Variants in NLN observed in about 807,000 individuals in gnomAD.
The protein encoded by NLN is neurolysin, mitochondrial.
A neutral mutation model predicts 79.9 loss-of-function variants in NLN; 64 were observed. The ratio of observed to expected loss-of-function variants is 0.80; its 90% CI spans 0.65 to 0.99. The LOEUF (loss-of-function observed/expected upper bound fraction) is 0.99. Among genes scored for constraint, NLN ranks in the 50% least tolerant of loss-of-function variants. NLN has a pLI of 0.00. For missense variants in NLN, 835 were observed against 858.7 expected (o/e 0.97, Z 0.34); for synonymous variants, 267 against 296.6 (o/e 0.90, Z 1.02).
chr5:65,752,359 G>T (rs900891290), intron 1 of NLN, among the ~76,000 whole-genome samples: 4 of 152,162 alleles, frequency 2.6e-5, no homozygotes, highest in African/African-American at 9.7e-5. Context: ...GTAGGAAAAA[G>T]AAATCTAGTG....
intron 1 of NLN, among the ~76,000 whole-genome samples, chr5:65,730,601 G>A (rs1758583678): frequency 6.6e-6 from 1 of 151,070 alleles, no homozygotes; most frequent in Non-Finnish European, 1.5e-5. Context: ...CTATTGCTCG[G>A]GCTAGAGTGC....
chr5:65,780,322 G>A (rs1241479847), intron 5 of NLN, 41 bp downstream of exon 5: 1 of 752,430 alleles, frequency 1.3e-6, no homozygotes, highest in Non-Finnish European at 2.2e-6. Flanking sequence ...ATATAATTTA[G>A]GCAAATAGTG....
At chr5:65,807,690 T>A (rs1286095327) in intron 9 of NLN, among the ~76,000 whole-genome samples, 1 of 152,192 alleles carries the variant, frequency 6.6e-6, no homozygotes, top group Non-Finnish European at 1.5e-5. Flanking sequence ...TCCACCCACC[T>A]CCGCCTCCCA....
intron 1 of NLN, among the ~76,000 whole-genome samples, chr5:65,729,054 A>G (rs1242078533): frequency 3.9e-5 from 6 of 152,130 alleles, no homozygotes; most frequent in Admixed American, 3.9e-4. Flanking sequence ...ATGTTGCCCA[A>G]GCTGGTCTCT....
In NLN at chr5:65,763,128, C is replaced by T; in HGVS notation, c.450+20C>T. ...TTACAGGTAAGTGGTGTTATAAATC[C>T]CTTTAAAGAGGGAAAAACTCTACAA... On this transcript the variant is annotated intron_variant, in intron 3 of 12. Coordinates refer to ENST00000380985, the MANE Select transcript of NLN (RefSeq NM_020726.5). 6.3e-7 allele frequency: 1 copy of T among 1,599,490 alleles called. No homozygotes were observed. Among genetic ancestry groups the T allele is most frequent in the Non-Finnish European group, 8.5e-7 (1 of 1,170,254 alleles).
At chr5:65,737,278 A>G (rs548875729) in intron 1 of NLN, among the ~76,000 whole-genome samples, 1 of 152,312 alleles carries the variant, frequency 6.6e-6, no homozygotes, top group East Asian at 1.9e-4. Context: ...GTAAACTAAT[A>G]AATCTCTAAA....
chr5:65,820,282 T>C (rs774307287), intron 12 of NLN, among the ~76,000 whole-genome samples: 1 of 152,204 alleles, frequency 6.6e-6, no homozygotes, highest in Non-Finnish European at 1.5e-5. Flanking sequence ...GATACATACA[T>C]CTTGAGGCTG....
rs372171514 is a variant in NLN at position 65,758,412 on chromosome 5, T to C, written c.42-155T>C. 5.9e-5 allele frequency among the ~76,000 whole-genome samples: 9 copies of C among 152,338 alleles called. No individual in the cohort carries two copies. In the South Asian group the frequency reaches 1.0e-3, roughly 18 times the overall value. Reference sequence around the variant, plus strand: ...AGAAAAATAGGAAATACAGGGGCACTTAGTTTTGTGCATATGTGTTCACCT... The same window carrying C: ...AGAAAAATAGGAAATACAGGGGCACCTAGTTTTGTGCATATGTGTTCACCT... On this transcript the variant is annotated intron_variant, in intron 1 of 12. Coordinates refer to ENST00000380985, the MANE Select transcript of NLN (RefSeq NM_020726.5).
At chr5:65,747,241 A>G (rs1759001202) in intron 1 of NLN, among the ~76,000 whole-genome samples, 1 of 152,162 alleles carries the variant, frequency 6.6e-6, no homozygotes, top group African/African-American at 2.4e-5. Context: ...AGCAAGGTCA[A>G]CTACTGACAG....
chr5:65,753,985 T>C (rs889661901), intron 1 of NLN, among the ~76,000 whole-genome samples: 12 of 152,192 alleles, frequency 7.9e-5, no homozygotes, highest in African/African-American at 2.9e-4. Context: ...CAACACCAAG[T>C]ATGTGAGACC....
intron 1 of NLN, among the ~76,000 whole-genome samples, chr5:65,724,095 GT>G (rs1283586910): frequency 6.8e-6 from 1 of 146,580 alleles, no homozygotes; most frequent in African/African-American, 2.5e-5. Context: ...ACATTGTGGG[GT>G]TTTTTCCCTT....
rs2150746897 is a variant in NLN at position 65,760,172 on chromosome 5, C to T, written c.301+1346C>T. Reference sequence around the variant, plus strand: ...TCCCTTCATCACCAAGAGTTCTCTACTCTATGTTTCACTGTAAAAAGGACT... The same window carrying T: ...TCCCTTCATCACCAAGAGTTCTCTATTCTATGTTTCACTGTAAAAAGGACT... On this transcript the variant is annotated intron_variant, in intron 2 of 12. Coordinates refer to ENST00000380985, the MANE Select transcript of NLN (RefSeq NM_020726.5). 1.3e-5 allele frequency among the ~76,000 whole-genome samples: 2 copies of T among 152,304 alleles called. 1 individual carries two copies. Among genetic ancestry groups the T allele is most frequent in the South Asian group, 4.1e-4 (2 of 4,826 alleles).
At chr5:65,806,693 G>A (rs1760419937) in intron 9 of NLN, among the ~76,000 whole-genome samples, 1 of 152,174 alleles carries the variant, frequency 6.6e-6, no homozygotes, top group Non-Finnish European at 1.5e-5. Flanking sequence ...GACTGACCAC[G>A]AAGGATTTTA....
At chr5:65,731,748 T>C (rs1758614244) in intron 1 of NLN, among the ~76,000 whole-genome samples, 1 of 106,288 alleles carries the variant, frequency 9.4e-6, no homozygotes, top group African/African-American at 3.8e-5. Flanking sequence ...TTTTCTTTTT[T>C]TTTTTTTTTT....
At chr5:65,750,119 A>G (rs370548412) in intron 1 of NLN, among the ~76,000 whole-genome samples, 1 of 152,204 alleles carries the variant, frequency 6.6e-6, no homozygotes, top group East Asian at 1.9e-4. Context: ...GCTGCTTGGC[A>G]TACATGTGCT....
chr5:65,777,332 A>G lies in NLN; in HGVS notation c.451-95A>G, dbSNP rs1458591120. 42 of 829,446 alleles carry G rather than the reference A, an allele frequency of 5.1e-5. 1 individual carries two copies. The South Asian group carries it at 5.9e-4, about 12-fold the overall frequency. 51.4% of individuals were successfully genotyped at this position (829,446 alleles called of 1,614,324 possible). A position where few individuals can be genotyped will look rare whatever the true frequency, so the allele number is the denominator to read the frequency against. Reference sequence around the variant, plus strand: ...AATCACCTATGTGCTTCATAACCCAACGGAGATGATGAATAAATTTGCTGT... The same window carrying G: ...AATCACCTATGTGCTTCATAACCCAGCGGAGATGATGAATAAATTTGCTGT... On this transcript the variant is annotated intron_variant, in intron 3 of 12. Coordinates refer to ENST00000380985, the MANE Select transcript of NLN (RefSeq NM_020726.5).
intron 3 of NLN, among the ~76,000 whole-genome samples, chr5:65,764,802 T>C (rs774262739): frequency 6.6e-6 from 1 of 152,200 alleles, no homozygotes; most frequent in Non-Finnish European, 1.5e-5. Context: ...TAACTCTACA[T>C]CAGGATAATA....
Position 65,823,907 on chromosome 5 carries a change from G to A in NLN, c.*992G>A, listed in dbSNP as rs947919791. Reference sequence around the variant, plus strand: ...GAAGAGGAGTGGGTTTTGGATAGAAGCATTTGAGGACAGCTGCTCCAAAGC... The same window carrying A: ...GAAGAGGAGTGGGTTTTGGATAGAAACATTTGAGGACAGCTGCTCCAAAGC... On this transcript the variant is annotated 3_prime_UTR_variant, in exon 13 of 13. Coordinates refer to ENST00000380985, the MANE Select transcript of NLN (RefSeq NM_020726.5). 2.0e-5 allele frequency: 3 copies of A among 152,204 alleles called. No homozygotes were observed. The highest frequency in any genetic ancestry group is 7.2e-5 in the African/African-American group (3 of 41,428). The allele number at this position is 152,204 out of a possible 1,614,324, so 9.4% of individuals were successfully genotyped here.
At chr5:65,761,890 CTACTA>C (rs1236273473) in intron 2 of NLN, among the ~76,000 whole-genome samples, 1 of 152,068 alleles carries the variant, frequency 6.6e-6, no homozygotes, top group Non-Finnish European at 1.5e-5. Context: ...GCTCTACTGT[CTACTA>C]TATATCATAT....
Sources: allele counts gnomAD v4.1 joint callset (sites outside exome capture counted in the v4.1 genomes callset), GRCh38; gene constraint gnomAD v4.1.1; transcripts MANE v1.5; gene names NCBI Gene and HGNC (gene_info 2026-07-23, HGNC 2026-07-21).